Variants in GABRG3 observed in about 807,000 individuals in gnomAD.
GABRG3 encodes the protein gamma-aminobutyric acid type A receptor subunit gamma3.
A neutral mutation model predicts 48.8 loss-of-function variants in GABRG3; 25 were observed. The observed-to-expected ratio is 0.51, with a 90% CI of 0.37 to 0.72. GABRG3 has a LOEUF of 0.72. GABRG3 is among the 30% of genes least tolerant of loss of function. The pLI is 0.00. For missense variants in GABRG3, 394 were observed against 577.9 expected (o/e 0.68, Z 3.26); for synonymous variants, 227 against 217.6 (o/e 1.04, Z -0.38).
At chr15:27,314,015 C>T (rs1893124401) in intron 3 of GABRG3, among the ~76,000 whole-genome samples, 1 of 151,960 alleles carries the variant, frequency 6.6e-6, no homozygotes, top group African/African-American at 2.4e-5. Context: ...AAAAAATCCA[C>T]AAAGCTAAGA....
chr15:27,218,703 G>A (rs1889348150), intron 3 of GABRG3, among the ~76,000 whole-genome samples: 1 of 152,160 alleles, frequency 6.6e-6, no homozygotes, highest in Non-Finnish European at 1.5e-5. Flanking sequence ...CAAATCTTAT[G>A]TGCTGGGTTT....
chr15:27,377,139 C>T (rs540667142), intron 5 of GABRG3, among the ~76,000 whole-genome samples: 18 of 152,312 alleles, frequency 1.2e-4, no homozygotes, highest in African/African-American at 4.3e-4. Flanking sequence ...GTTATGTTTG[C>T]TCCAATTCCC....
At position 27,231,009 on chromosome 15, in the gene GABRG3, A is replaced by ATGTGTGTGTG. The variant is rs3068361; in HGVS notation, c.271-95769_271-95760dup. Among the ~76,000 whole-genome samples, 338 of 143,500 alleles carry ATGTGTGTGTG rather than the reference A, an allele frequency of 2.4e-3. 1 individual carries two copies. The highest frequency in any genetic ancestry group is 8.1e-3 in the African/African-American group (318 of 39,090). 94.1% of individuals were successfully genotyped at this position (143,500 alleles called of 152,430 possible). A position where few individuals can be genotyped will look rare whatever the true frequency, so the allele number is the denominator to read the frequency against. On this transcript the variant is annotated intron_variant, in intron 3 of 9. Coordinates refer to ENST00000615808, the MANE Select transcript of GABRG3 (RefSeq NM_033223.5). ...GTTGAGCCAAGTTTAAAACAGTAAA[A>ATGTGTGTGTG]TGTGTGTGTGTGTGTGTGTGTGTGT... is the stretch of plus-strand genomic sequence containing the variant.
At chr15:27,020,476 A>G (rs1895868890) in intron 2 of GABRG3, among the ~76,000 whole-genome samples, 1 of 152,088 alleles carries the variant, frequency 6.6e-6, no homozygotes, top group Non-Finnish European at 1.5e-5. Flanking sequence ...CAGTGGCGCT[A>G]TCTCGGCTCA....
intron 5 of GABRG3, among the ~76,000 whole-genome samples, chr15:27,400,711 A>G (rs527490979): frequency 6.6e-6 from 1 of 152,350 alleles, no homozygotes; most frequent in African/African-American, 2.4e-5. Flanking sequence ...GAGTGTTCCT[A>G]GCTCCAGATG....
intron 3 of GABRG3, among the ~76,000 whole-genome samples, chr15:27,218,562 G>A (rs1176983818): frequency 3.9e-5 from 6 of 152,082 alleles, no homozygotes; most frequent in South Asian, 4.1e-4. Context: ...TTGTGTTTCC[G>A]TTGCTCAGCG....
chr15:27,351,281 A>C (rs538164530), intron 5 of GABRG3, among the ~76,000 whole-genome samples: 1 of 105,300 alleles, frequency 9.5e-6, no homozygotes, highest in South Asian at 3.4e-4. Flanking sequence ...TTGTGTGTAT[A>C]TGTTGTGTGT....
intron 5 of GABRG3, among the ~76,000 whole-genome samples, chr15:27,331,136 G>A (rs1338168091): frequency 5.3e-5 from 8 of 152,100 alleles, no homozygotes; most frequent in South Asian, 2.1e-4. Flanking sequence ...CTCACTCATC[G>A]CTGGGGGGAT....
At chr15:27,310,724 A>T (rs1043708938) in intron 3 of GABRG3, among the ~76,000 whole-genome samples, 3 of 152,184 alleles carry the variant, frequency 2.0e-5, no homozygotes, top group African/African-American at 7.2e-5. Flanking sequence ...CTGGTTATCA[A>T]TGTTTATTAG....
chr15:27,017,993 C>T (rs1895810537), intron 2 of GABRG3, among the ~76,000 whole-genome samples: 1 of 152,212 alleles, frequency 6.6e-6, no homozygotes, highest in Admixed American at 6.5e-5. Flanking sequence ...TCTGAACTCA[C>T]AGCTCTGCTG....
intron 3 of GABRG3, among the ~76,000 whole-genome samples, chr15:27,326,417 A>T (rs1439202946): frequency 2.6e-5 from 4 of 152,198 alleles, no homozygotes; most frequent in Non-Finnish European, 5.9e-5. Flanking sequence ...ACACCTTGAG[A>T]AGGTGGACAC....
chr15:27,457,552 C>T lies in GABRG3; in HGVS notation c.575-23098C>T, dbSNP rs1889320306. 6.6e-6 allele frequency among the ~76,000 whole-genome samples: 1 copy of T among 152,236 alleles called. No homozygotes were observed. Among genetic ancestry groups the T allele is most frequent in the South Asian group, 2.1e-4 (1 of 4,820 alleles). The stretch of plus-strand genomic sequence containing the variant: ...TTCACACTTGGCAGAGGAGGACCTG[C>T]GATTAGATACGGACACGTTCCCTGC... On this transcript the variant is annotated intron_variant, in intron 5 of 9. Coordinates refer to ENST00000615808, the MANE Select transcript of GABRG3 (RefSeq NM_033223.5). This position sits in a 1 kb window ranked among gnomAD's most constrained non-coding sequence, Gnocchi z 4.4.
intron 3 of GABRG3, among the ~76,000 whole-genome samples, chr15:27,228,533 C>T (rs1889697077): frequency 6.6e-6 from 1 of 152,180 alleles, no homozygotes; most frequent in South Asian, 2.1e-4. Flanking sequence ...CATGCACATG[C>T]ATGTGTCTTT....
intron 6 of GABRG3, among the ~76,000 whole-genome samples, chr15:27,501,103 C>T (rs1018324636): frequency 1.4e-4 from 22 of 151,978 alleles, no homozygotes; most frequent in African/African-American, 3.6e-4. Context: ...AGGCGCCCGC[C>T]ACCACGCCCA....
chr15:27,011,916 C>T (rs960271961), intron 2 of GABRG3, among the ~76,000 whole-genome samples: 1 of 151,550 alleles, frequency 6.6e-6, no homozygotes, highest in Non-Finnish European at 1.5e-5. Context: ...GCTATTCTGT[C>T]AGATTCTTGA....
At chr15:27,465,246 A>C (rs1427136023) in intron 5 of GABRG3, among the ~76,000 whole-genome samples, 4 of 152,200 alleles carry the variant, frequency 2.6e-5, no homozygotes, top group Non-Finnish European at 5.9e-5. Context: ...CACTCTTTGG[A>C]GAATTACTAA....
chr15:27,512,818 T>G (rs112404949), intron 6 of GABRG3, among the ~76,000 whole-genome samples: 3,955 of 152,214 alleles, frequency 0.026, 196 homozygotes, highest in African/African-American at 0.09. Flanking sequence ...TGTGCTGAGT[T>G]GACCCCTGCA....
At chr15:27,342,230 T>G (rs554633331) in intron 5 of GABRG3, among the ~76,000 whole-genome samples, 27 of 152,332 alleles carry the variant, frequency 1.8e-4, no homozygotes, top group Admixed American at 1.1e-3. Flanking sequence ...GGAAGCACAT[T>G]CTGACCCCAG....
intron 3 of GABRG3, among the ~76,000 whole-genome samples, chr15:27,213,747 G>A (rs1168565888): frequency 6.6e-6 from 1 of 152,166 alleles, no homozygotes; most frequent in Non-Finnish European, 1.5e-5. Flanking sequence ...CTCAGACGGT[G>A]AGCACCTTTT....
Sources: gnomAD v4.1 joint callset for allele counts (sites outside exome capture counted in the v4.1 genomes callset) on GRCh38, gnomAD v4.1.1 for gene constraint, Gnocchi (gnomAD v3.1) non-coding constraint, MANE v1.5 for transcripts, NCBI Gene and HGNC (gene_info 2026-07-23, HGNC 2026-07-21) for gene names.